FHOD3: variants seen among roughly 807,000 people sequenced by gnomAD.
FHOD3 encodes the protein formin homology 2 domain containing 3.
Under a neutral mutation model 173.0 loss-of-function variants are expected in FHOD3, and 90 were observed. The observed-to-expected ratio is 0.52, with a 90% CI of 0.44 to 0.62. The LOEUF (loss-of-function observed/expected upper bound fraction) is 0.62. Among genes scored for constraint, FHOD3 ranks in the 20% least tolerant of loss-of-function variants. The probability of loss-of-function intolerance (pLI) is 0.00; values close to 1 mark genes in which losing one functional copy is unlikely to be tolerated. For synonymous variants in FHOD3, 828 were observed against 823.0 expected (o/e 1.01, Z -0.10); for missense variants, 1,945 against 2,034.7 (o/e 0.96, Z 0.85).
intron 10 of FHOD3, 71 bp downstream of exon 10, chr18:36,625,820 A>C: frequency 2.3e-6 from 3 of 1,301,660 alleles, no homozygotes; most frequent in Non-Finnish European, 3.1e-6. Context: ...GGTGCCTGCC[A>C]CTCTCCCCTC....
chr18:36,605,812 A>G (rs1400076994), intron 8 of FHOD3, among the ~76,000 whole-genome samples: 1 of 152,222 alleles, frequency 6.6e-6, no homozygotes, highest in Non-Finnish European at 1.5e-5. Flanking sequence ...AAACATTCAG[A>G]CTGTGAAATC....
chr18:36,593,461 G>A (rs2029862473), intron 6 of FHOD3, among the ~76,000 whole-genome samples: 1 of 152,194 alleles, frequency 6.6e-6, no homozygotes, highest in Admixed American at 6.5e-5. Context: ...TTGCATGAAT[G>A]TGGATGAATG....
rs150377312 is a variant in FHOD3 at position 36,329,746 on chromosome 18, A to G, written c.166-25793A>G. On this transcript the variant is annotated intron_variant, in intron 1 of 28. Coordinates refer to ENST00000590592, the MANE Select transcript of FHOD3 (RefSeq NM_001281740.3). ...GTAGTGAGCAGGTTCCCAGCAATGC[A>G]ACAGATGTCTTGAGGATGCCTGCAT... Among the ~76,000 whole-genome samples, 80 of 152,280 alleles carry G rather than the reference A, an allele frequency of 5.3e-4. No individual in the cohort carries two copies. In the South Asian group the frequency reaches 0.011, roughly 21 times the overall value.
Position 36,718,660 on chromosome 18 carries a change from C to G in FHOD3, c.3362C>G (p.Thr1121Ser). The change falls in exon 19 of 29, where the codon ACT becomes AGT. Residue 1121 changes from threonine to serine, a missense_variant. Thr to Ser is a moderately conservative substitution (Grantham distance 58). Coordinates refer to ENST00000590592, the MANE Select transcript of FHOD3 (RefSeq NM_001281740.3). Reference sequence around the variant, plus strand: ...AAACTGGAACCCATTAAGGTGGACACTTCCAGACTGGAGCACCTGTTTGAG... The same window carrying G: ...AAACTGGAACCCATTAAGGTGGACAGTTCCAGACTGGAGCACCTGTTTGAG... ...WSKLEPIKVD[T>S]SRLEHLFESK... The G allele has an allele frequency of 6.2e-7, 1 of 1,614,182 alleles. No homozygotes were observed.
chr18:36,416,255 G>A (rs775461500), intron 3 of FHOD3, among the ~76,000 whole-genome samples: 1 of 152,220 alleles, frequency 6.6e-6, no homozygotes, highest in African/African-American at 2.4e-5. Flanking sequence ...GGATAGTCTC[G>A]ATCTCTTGAC....
At chr18:36,518,249 G>A (rs536870275) in intron 5 of FHOD3, among the ~76,000 whole-genome samples, 4 of 152,260 alleles carry the variant, frequency 2.6e-5, no homozygotes, top group Admixed American at 6.5e-5. Context: ...TATTTTCCAC[G>A]GAACAACCTA....
intron 19 of FHOD3, among the ~76,000 whole-genome samples, chr18:36,727,696 A>G (rs927321686): frequency 6.6e-6 from 1 of 152,100 alleles, no homozygotes; most frequent in African/African-American, 2.4e-5. Context: ...TCTACTGAGA[A>G]TGGGGCCAAG....
chr18:36,568,326 CAAAAAAAAAAAAAAAAAAAAAAAAA>C (rs71168234), intron 5 of FHOD3, among the ~76,000 whole-genome samples: 7 of 24,046 alleles, frequency 2.9e-4, no homozygotes, highest in Admixed American at 1.1e-3. Flanking sequence ...GACTCTGTCT[CAAAAAAAAAAAAAAAAAAAAAAAAA>C]AAAAAAAAAA....
At chr18:36,748,325 T>C (rs899207147) in intron 24 of FHOD3, among the ~76,000 whole-genome samples, 1 of 151,926 alleles carries the variant, frequency 6.6e-6, no homozygotes, top group African/African-American at 2.4e-5. Flanking sequence ...CCATGCTTTG[T>C]ATGATGCAAG....
At chr18:36,566,224 C>T (rs985144760) in intron 5 of FHOD3, among the ~76,000 whole-genome samples, 5 of 152,266 alleles carry the variant, frequency 3.3e-5, no homozygotes, top group African/African-American at 9.6e-5. Context: ...GAGGACAGGA[C>T]ATGAACAAGC....
intron 25 of FHOD3, among the ~76,000 whole-genome samples, chr18:36,755,937 A>G (rs2042617007): frequency 6.6e-6 from 1 of 152,006 alleles, no homozygotes; most frequent in Non-Finnish European, 1.5e-5. Context: ...GCACACTTAC[A>G]TGTCTCCCCT....
intron 10 of FHOD3, among the ~76,000 whole-genome samples, chr18:36,643,523 A>G (rs932906793): frequency 6.6e-6 from 1 of 152,220 alleles, no homozygotes; most frequent in South Asian, 2.1e-4. Flanking sequence ...GTTTAATTTT[A>G]CAAGATAGTG....
chr18:36,382,608 C>T (rs189819029), intron 3 of FHOD3, among the ~76,000 whole-genome samples: 1 of 152,302 alleles, frequency 6.6e-6, no homozygotes. Context: ...AAAAGGGCTC[C>T]AGTACCCTCA....
chr18:36,733,357 C>G (rs1010271039), intron 20 of FHOD3, among the ~76,000 whole-genome samples: 6 of 152,206 alleles, frequency 3.9e-5, no homozygotes, highest in Non-Finnish European at 5.9e-5. Context: ...CTTGGGCCAT[C>G]CTATTTACAC....
chr18:36,538,984 G>C (rs1003674008), intron 5 of FHOD3, among the ~76,000 whole-genome samples: 5 of 152,180 alleles, frequency 3.3e-5, no homozygotes, highest in Non-Finnish European at 1.5e-5. Context: ...AGGGAAACTG[G>C]TGAAGAGTAC....
At chr18:36,771,949 T>C (rs1192630311) in intron 28 of FHOD3, among the ~76,000 whole-genome samples, 1 of 152,214 alleles carries the variant, frequency 6.6e-6, no homozygotes, top group Non-Finnish European at 1.5e-5. Flanking sequence ...CAAGTCTTCA[T>C]GGCCCCATCC....
chr18:36,652,211 C>T (rs1398845602), intron 11 of FHOD3, among the ~76,000 whole-genome samples: 1 of 152,184 alleles, frequency 6.6e-6, no homozygotes, highest in Non-Finnish European at 1.5e-5. Flanking sequence ...AATTCAGATG[C>T]CAACACCAGC....
At chr18:36,353,105 C>T (rs1487894517) in intron 1 of FHOD3, among the ~76,000 whole-genome samples, 2 of 152,354 alleles carry the variant, frequency 1.3e-5, no homozygotes, top group Non-Finnish European at 2.9e-5. Context: ...TTTGACACTA[C>T]AGTACAGACA....
chr18:36,319,118 G>C (rs62084111), intron 1 of FHOD3, among the ~76,000 whole-genome samples: 20 of 152,142 alleles, frequency 1.3e-4, no homozygotes, highest in African/African-American at 4.3e-4. Flanking sequence ...TGCTGGATTC[G>C]GTTTGCCAGT....
Sources: gnomAD v4.1 joint callset for allele counts (sites outside exome capture counted in the v4.1 genomes callset) on GRCh38, gnomAD v4.1.1 for gene constraint, MANE v1.5 for transcripts, NCBI Gene and HGNC (gene_info 2026-07-23, HGNC 2026-07-21) for gene names.